The following ZNF184 variants were observed in gnomAD, a reference collection of about 807,000 sequenced individuals.
ZNF184 encodes zinc finger protein 184 (Kruppel-like).
A neutral mutation model predicts 54.4 loss-of-function variants in ZNF184; 16 were observed. The ratio of observed to expected loss-of-function variants is 0.29; its 90% CI spans 0.20 to 0.45. ZNF184 has a LOEUF of 0.45. Among genes scored for constraint, ZNF184 ranks in the 20% least tolerant of loss-of-function variants. The pLI, the probability that ZNF184 is intolerant of heterozygous loss-of-function variation, is 1.00. For synonymous variants in ZNF184, 254 were observed against 295.3 expected (o/e 0.86, Z 1.43); for missense variants, 681 against 888.2 (o/e 0.77, Z 2.97).
the ZNF184 span, among the ~76,000 whole-genome samples, chr6:27,441,370 C>A: frequency 6.6e-6 from 1 of 152,170 alleles, no homozygotes; most frequent in Non-Finnish European, 1.5e-5. Flanking sequence ...CCTATCACCA[C>A]GCCTGGCTAA....
intron 3 of ZNF184, among the ~76,000 whole-genome samples, chr6:27,458,996 C>T (rs957472232): frequency 6.6e-6 from 1 of 152,050 alleles, no homozygotes; most frequent in Non-Finnish European, 1.5e-5. Context: ...AGATAAATAT[C>T]GCATGTTCTC....
chr6:27,465,266 C>G (rs1481204159), intron 3 of ZNF184, among the ~76,000 whole-genome samples: 1 of 150,750 alleles, frequency 6.6e-6, no homozygotes, highest in Non-Finnish European at 1.5e-5. Flanking sequence ...GGGCGGATCA[C>G]GAAGTCAGGA....
chr6:27,467,764 T>G, intron 3 of ZNF184, 89 bp downstream of exon 3: 2 of 1,299,654 alleles, frequency 1.5e-6, no homozygotes, highest in Non-Finnish European at 2.1e-6. Flanking sequence ...CAACATTGAT[T>G]TTTGGATAAA....
chr6:27,470,806 T>C (rs553882173), intron 2 of ZNF184, among the ~76,000 whole-genome samples: 7 of 152,086 alleles, frequency 4.6e-5, no homozygotes, highest in African/African-American at 9.7e-5. Context: ...CTCAGTAAAG[T>C]TAATCCTAAT....
At chr6:27,422,155 A>AGAAG in the ZNF184 span, among the ~76,000 whole-genome samples, 1 of 92,096 alleles carries the variant, frequency 1.1e-5, no homozygotes, top group African/African-American at 4.3e-5. Context: ...AAAAAAAGAA[A>AGAAG]GAAAGAAAGA....
chr6:27,447,667 C>G (rs1762653805), downstream of ZNF184, among the ~76,000 whole-genome samples: 2 of 152,148 alleles, frequency 1.3e-5, no homozygotes, highest in Non-Finnish European at 2.9e-5. Flanking sequence ...GAGCCAAGAT[C>G]ATGCCATTGC....
At chr6:27,458,944 C>T (rs765843166) in intron 3 of ZNF184, among the ~76,000 whole-genome samples, 5 of 152,134 alleles carry the variant, frequency 3.3e-5, no homozygotes, top group African/African-American at 7.2e-5. Context: ...CATGGATGTA[C>T]CTGCAGGACA....
chr6:27,457,234 C>T, intron 4 of ZNF184, 49 bp downstream of exon 4: 1 of 1,594,320 alleles, frequency 6.3e-7, no homozygotes, highest in Non-Finnish European at 8.5e-7. Flanking sequence ...CAAGAGAGAA[C>T]CCTCCTCCTG....
In ZNF184 at chr6:27,452,305, G is replaced by C; in HGVS notation, c.1254C>G (p.Tyr418Ter). 6.2e-7 allele frequency: 1 copy of C among 1,613,556 alleles called. No homozygotes were observed. Among genetic ancestry groups the C allele is most frequent in the Non-Finnish European group, 8.5e-7 (1 of 1,179,872 alleles). The change falls in exon 6 of 6, where the codon TAC becomes TAG. Residue 418 changes from tyrosine to a stop codon, truncating the protein, a stop_gained. Transcript: ENST00000683788. LOFTEE classifies it high-confidence loss of function. The surrounding 1 kb of genome is among the most constrained non-coding windows in gnomAD (Gnocchi z 5.5). ...HHMIHTGEKP[Y>*]ECNECGKAFS... ...AGGCTTTCCCACATTCATTGCATTC[G>C]TACGGTTTTTCACCAGTATGAATCA...
Position 27,472,501 on chromosome 6 carries a change from C to A in ZNF184, c.-139-68G>T, listed in dbSNP as rs994295701. On this transcript the variant is annotated intron_variant, in intron 1 of 5. Coordinates refer to ENST00000683788, the MANE Select transcript of ZNF184 (RefSeq NM_001318891.2). This position sits in a 1 kb window ranked among gnomAD's most constrained non-coding sequence, Gnocchi z 4.8. Reference sequence around the variant, plus strand: ...CACACATCAGAGTCTTGCAAAGTGACCAAGAGGTGCTACACAAGAGAAGTG... The same window carrying A: ...CACACATCAGAGTCTTGCAAAGTGAACAAGAGGTGCTACACAAGAGAAGTG... 1 of 600,288 alleles carries A rather than the reference C, an allele frequency of 1.7e-6. No homozygotes were observed. The highest frequency in any genetic ancestry group is 3.0e-6 in the Non-Finnish European group (1 of 336,448). The allele number at this position is 600,288 out of a possible 1,614,324, so 37.2% of individuals were successfully genotyped here.
chr6:27,472,181 G>A lies in ZNF184; in HGVS notation c.7+107C>T, dbSNP rs1481961337. ...TTCTTTGCTAATCCCTAAGCATACC[G>A]TTCCTTCCTTCCAAATCTCCTGCTC... On this transcript the variant is annotated intron_variant, in intron 2 of 5. Transcript: ENST00000683788. The surrounding 1 kb of genome is among the most constrained non-coding windows in gnomAD (Gnocchi z 4.8). 2.7e-6 allele frequency: 4 copies of A among 1,473,018 alleles called. No individual in the cohort carries two copies. The highest frequency in any genetic ancestry group is 2.8e-5 in the African/African-American group (2 of 71,794). The allele number at this position is 1,473,018 out of a possible 1,614,324, so 91.2% of individuals were successfully genotyped here.
chr6:27,422,212 G>GA, the ZNF184 span, among the ~76,000 whole-genome samples: 199 of 112,036 alleles, frequency 1.8e-3, 1 homozygote, highest in Middle Eastern at 6.0e-3. Context: ...AAGAAAGAAA[G>GA]AAAGAAAAGA....
rs1762788044 is a variant in ZNF184, at chr6:27,453,636, G to A, written c.299-376C>T. Among the ~76,000 whole-genome samples, 1 of 152,146 alleles carries A rather than the reference G, an allele frequency of 6.6e-6. No homozygotes were observed. The highest frequency in any genetic ancestry group is 1.5e-5 in the Non-Finnish European group (1 of 68,002). ...ATAAACAACAAAACAAAAAATCCAA[G>A]AACCATGATTTAAAGACAGAACAAA... On this transcript the variant is annotated intron_variant, in intron 5 of 5. Coordinates refer to ENST00000683788, the MANE Select transcript of ZNF184 (RefSeq NM_001318891.2). This position sits in a 1 kb window ranked among gnomAD's most constrained non-coding sequence, Gnocchi z 4.7.
chr6:27,464,779 G>A (rs1009800395), intron 3 of ZNF184, among the ~76,000 whole-genome samples: 3 of 151,976 alleles, frequency 2.0e-5, no homozygotes, highest in African/African-American at 7.3e-5. Context: ...CACTTTGGGA[G>A]GCCAAGGTGG....
At chr6:27,457,109 G>T (rs988205348) in intron 4 of ZNF184, among the ~76,000 whole-genome samples, 174 bp downstream of exon 4, 2 of 152,048 alleles carry the variant, frequency 1.3e-5, no homozygotes, top group African/African-American at 4.8e-5. Context: ...ACTGATCGGG[G>T]TTCAGGAAAA....
At chr6:27,450,566 C>T (rs1762690272), downstream of ZNF184, among the ~76,000 whole-genome samples, 2 of 151,994 alleles carry the variant, frequency 1.3e-5, no homozygotes. Context: ...CAGCCTCTTC[C>T]AGCTTTAAAC....
chr6:27,434,137 C>CAGT, the ZNF184 span, among the ~76,000 whole-genome samples: 1 of 152,208 alleles, frequency 6.6e-6, no homozygotes, highest in East Asian at 1.9e-4. Context: ...CCTCCCGCCT[C>CAGT]AGCCTCCTGA....
At chr6:27,447,005 C>T (rs369714756), downstream of ZNF184, among the ~76,000 whole-genome samples, 260 of 146,892 alleles carry the variant, frequency 1.8e-3, no homozygotes, top group Non-Finnish European at 2.3e-3. Flanking sequence ...ATTAGCTGGG[C>T]GCGGTGGCAA....
At chr6:27,423,117 C>T in the ZNF184 span, among the ~76,000 whole-genome samples, 1 of 152,242 alleles carries the variant, frequency 6.6e-6, no homozygotes, top group Non-Finnish European at 1.5e-5. Context: ...TACGCGGCCT[C>T]AGTCTGCGAA....
Sources: gnomAD v4.1 joint callset for allele counts (sites outside exome capture counted in the v4.1 genomes callset) on GRCh38, gnomAD v4.1.1 for gene constraint, Gnocchi (gnomAD v3.1) non-coding constraint, MANE v1.5 for transcripts, NCBI Gene and HGNC (gene_info 2026-07-23, HGNC 2026-07-21) for gene names.